Variants in EPB41L3 observed in about 807,000 individuals in gnomAD.
The protein encoded by EPB41L3 is erythrocyte membrane protein band 4.1 like 3, also known as band 4.1-like protein 3.
In EPB41L3, 57 loss-of-function variants were observed where a neutral mutation model predicts 127.1. The ratio of observed to expected loss-of-function variants is 0.45; its 90% CI spans 0.36 to 0.56. The LOEUF is 0.56. Among genes scored for constraint, EPB41L3 ranks in the 20% least tolerant of loss-of-function variants. The pLI is 0.00. For missense variants in EPB41L3, 1,273 were observed against 1,372.2 expected (o/e 0.93, Z 1.14); for synonymous variants, 572 against 549.5 (o/e 1.04, Z -0.57).
At chr18:5,460,484 C>T (rs770886985) in intron 3 of EPB41L3, among the ~76,000 whole-genome samples, 50 of 152,118 alleles carry the variant, frequency 3.3e-4, no homozygotes, top group Non-Finnish European at 4.0e-4. Context: ...TGTATTTGTA[C>T]GTGTGTGTAT....
intron 1 of EPB41L3, among the ~76,000 whole-genome samples, chr18:5,517,767 T>C (rs1016276390): frequency 6.6e-6 from 1 of 152,068 alleles, no homozygotes. Context: ...GAGTTCCACT[T>C]GATGTTTTCC....
At chr18:5,473,981 C>A (rs1046529093) in intron 3 of EPB41L3, among the ~76,000 whole-genome samples, 1 of 152,084 alleles carries the variant, frequency 6.6e-6, no homozygotes, top group African/African-American at 2.4e-5. Flanking sequence ...CCTGTAATCC[C>A]AGCACTTTGG....
intron 6 of EPB41L3, among the ~76,000 whole-genome samples, chr18:5,434,800 C>T (rs1020650328): frequency 3.3e-5 from 5 of 152,206 alleles, no homozygotes; most frequent in Non-Finnish European, 5.9e-5. Context: ...TACTTTTTAT[C>T]ATTATTTTAG....
At chr18:5,424,429 T>C in intron 9 of EPB41L3, 70 bp from the exon 10 acceptor site, 1 of 1,257,722 alleles carries the variant, frequency 8.0e-7, no homozygotes, top group Non-Finnish European at 1.1e-6. Flanking sequence ...GTAAATAAAT[T>C]ACAGAATCAT....
intron 1 of EPB41L3, among the ~76,000 whole-genome samples, chr18:5,625,641 A>G (rs1260895772): frequency 6.6e-6 from 1 of 152,170 alleles, no homozygotes; most frequent in Non-Finnish European, 1.5e-5. Flanking sequence ...TGTGGCAATA[A>G]TGCATCCAGC....
intron 3 of EPB41L3, among the ~76,000 whole-genome samples, chr18:5,580,080 C>T (rs181431094): frequency 1.1e-3 from 164 of 152,280 alleles, no homozygotes; most frequent in Non-Finnish European, 8.5e-4. Flanking sequence ...TGAAAGATGG[C>T]TGGCTCTCTC....
chr18:5,414,580 G>C (rs1046709654), intron 13 of EPB41L3, among the ~76,000 whole-genome samples: 5 of 152,022 alleles, frequency 3.3e-5, no homozygotes, highest in Non-Finnish European at 5.9e-5. Flanking sequence ...GCATTGCCTT[G>C]ACTTTGTGAC....
In EPB41L3 at chr18:5,393,278, T is replaced by G. The variant is rs545632628; in HGVS notation, c.*207A>C. Reference sequence around the variant, plus strand: ...TTATCGTTGCTTCATGCATTATCGGTTTAGTGATGCTGAATCAGATTGCTT... The same window carrying G: ...TTATCGTTGCTTCATGCATTATCGGGTTAGTGATGCTGAATCAGATTGCTT... On this transcript the variant is annotated 3_prime_UTR_variant, in exon 23 of 23. Transcript: ENST00000341928. The G allele has an allele frequency of 2.2e-6, 1 of 456,816 alleles. No individual in the cohort carries two copies. Among genetic ancestry groups the G allele is most frequent in the South Asian group, 5.1e-5 (1 of 19,796 alleles). The allele number at this position is 456,816 out of a possible 1,614,324, so 28.3% of individuals were successfully genotyped here.
At chr18:5,494,636 G>A (rs1025760907) in intron 1 of EPB41L3, among the ~76,000 whole-genome samples, 1 of 151,070 alleles carries the variant, frequency 6.6e-6, no homozygotes, top group Non-Finnish European at 1.5e-5. Context: ...CAGCCTGGGT[G>A]ACAAGAGTGA....
rs145403785 is a variant in EPB41L3 at position 5,475,238 on chromosome 18, T to A, written c.381+3003A>T. On this transcript the variant is annotated intron_variant, in intron 3 of 22. Transcript: ENST00000341928. The stretch of plus-strand genomic sequence containing the variant: ...TTAAACAGGGACCATTTATTAAGAA[T>A]ATGCCACATCCCAGAAAGTGTTCAA... Among the ~76,000 whole-genome samples, 955 of 152,334 alleles carry A rather than the reference T, an allele frequency of 6.3e-3. 9 individuals are homozygous for A. Among genetic ancestry groups the A allele is most frequent in the African/African-American group, 0.021 (875 of 41,570 alleles).
intron 1 of EPB41L3, chr18:5,528,885 A>C (rs1382840240): frequency 6.6e-6 from 1 of 152,380 alleles, no homozygotes; most frequent in Non-Finnish European, 1.5e-5. Context: ...GACATGAGCT[A>C]CCGCACCTGG....
Position 5,489,100 on chromosome 18 carries a change from G to A in EPB41L3, c.84C>T (p.Arg28=), listed in dbSNP as rs1369182824. ...GCGGCTCCGGCACGGGCGCCCCCGC[G>A]CGCCCCTGCGCCCCCGCCGCCTCCT... The part of the protein sequence containing the change: ...EPQEAAGAQG[R]AGAPVPEPPK... Residue 28 remains arginine, a synonymous_variant, in exon 2 of 23, where the codon CGC becomes CGT. Coordinates refer to ENST00000341928, the MANE Select transcript of EPB41L3 (RefSeq NM_012307.5). 5 of 1,591,410 alleles carry A rather than the reference G, an allele frequency of 3.1e-6. No homozygotes were observed. Among genetic ancestry groups the A allele is most frequent in the Non-Finnish European group, 4.3e-6 (5 of 1,173,704 alleles).
chr18:5,404,258 C>T (rs1316684671), intron 16 of EPB41L3, among the ~76,000 whole-genome samples: 2 of 152,162 alleles, frequency 1.3e-5, no homozygotes, highest in African/African-American at 2.4e-5. Flanking sequence ...TTAATCAGCC[C>T]TGTTTCTAAC....
chr18:5,461,905 C>A (rs2084067219), intron 3 of EPB41L3, among the ~76,000 whole-genome samples: 1 of 152,010 alleles, frequency 6.6e-6, no homozygotes, highest in Non-Finnish European at 1.5e-5. Context: ...TAACAAGCCA[C>A]AAAATGGAAG....
rs1598747786 is a variant in EPB41L3, at chr18:5,423,274, C to T, written c.1339+104G>A. 16 of 1,190,266 alleles carry T rather than the reference C, an allele frequency of 1.3e-5. No homozygotes were observed. In the East Asian group the frequency reaches 4.1e-4, roughly 31 times the overall value. 73.7% of individuals were successfully genotyped at this position (1,190,266 alleles called of 1,614,324 possible). On this transcript the variant is annotated intron_variant, in intron 11 of 22. Transcript: ENST00000341928. ...TCAATAAGCAACAACTGCTTTTCAA[C>T]ATACAATATCCAGGAATATCTATAC...
chr18:5,577,807 C>T (rs1232430750), intron 3 of EPB41L3, among the ~76,000 whole-genome samples: 1 of 152,172 alleles, frequency 6.6e-6, no homozygotes, highest in African/African-American at 2.4e-5. Context: ...TTATCTTTCA[C>T]AATTGTCATA....
Position 5,610,691 on chromosome 18 carries a change from T to C in EPB41L3, c.-306+1649A>G, listed in dbSNP as rs2094715400. 3.1e-5 allele frequency among the ~76,000 whole-genome samples: 4 copies of C among 130,296 alleles called. No individual in the cohort carries two copies. In the South Asian group the frequency reaches 1.1e-3, roughly 35 times the overall value. The allele number at this position is 130,296 out of a possible 152,430, so 85.5% of individuals were successfully genotyped here. On this transcript the variant is annotated intron_variant, in intron 3 of 21. Transcript: ENST00000545076. The stretch of plus-strand genomic sequence containing the variant: ...AGCATTTGACTAAAACAATTCTAAT[T>C]ACACACTCACAAAGAATATAAATTA...
intron 16 of EPB41L3, among the ~76,000 whole-genome samples, chr18:5,404,334 G>C (rs369438514): frequency 2.0e-5 from 3 of 152,290 alleles, no homozygotes; most frequent in African/African-American, 7.2e-5. Context: ...GGAGCACTGA[G>C]GGACTACAAA....
chr18:5,483,159 T>TA (rs1438338105), intron 2 of EPB41L3, among the ~76,000 whole-genome samples: 1 of 152,082 alleles, frequency 6.6e-6, no homozygotes, highest in East Asian at 1.9e-4. Flanking sequence ...GGGATGGAGT[T>TA]AAAGTATAGA....
Sources: allele counts gnomAD v4.1 joint callset (sites outside exome capture counted in the v4.1 genomes callset), GRCh38; gene constraint gnomAD v4.1.1; transcripts MANE v1.5; gene names NCBI Gene and HGNC (gene_info 2026-07-23, HGNC 2026-07-21).